TRPM3: variants seen among roughly 807,000 people sequenced by gnomAD.
TRPM3 encodes long transient receptor potential channel 3.
TRPM3 carries 77 observed loss-of-function variants against 181.2 expected under a neutral mutation model. That is an observed-to-expected ratio of 0.42 (90% CI 0.35 to 0.51). The LOEUF (loss-of-function observed/expected upper bound fraction) is 0.51. TRPM3 is among the 20% of genes least tolerant of loss of function. TRPM3 has a pLI of 0.01. For missense variants in TRPM3, 1,759 were observed against 2,196.7 expected (o/e 0.80, Z 3.98); for synonymous variants, 745 against 796.4 (o/e 0.94, Z 1.09).
intron 1 of TRPM3, among the ~76,000 whole-genome samples, chr9:70,937,524 A>G (rs1393464857): frequency 6.6e-6 from 1 of 152,226 alleles, no homozygotes; most frequent in African/African-American, 2.4e-5. Context: ...TTACTGAGTC[A>G]ATGCAAATTT....
At chr9:71,000,967 C>A (rs994546038) in intron 1 of TRPM3, among the ~76,000 whole-genome samples, 5 of 152,198 alleles carry the variant, frequency 3.3e-5, no homozygotes, top group Non-Finnish European at 7.3e-5. Context: ...AACCAAAACA[C>A]CTTTTCTATT....
At chr9:70,781,696 T>G (rs1283029505) in intron 7 of TRPM3, among the ~76,000 whole-genome samples, 4 of 152,116 alleles carry the variant, frequency 2.6e-5, no homozygotes, top group African/African-American at 9.7e-5. Context: ...GCTGTGTGGC[T>G]TTGGACAAAG....
At position 70,897,232 on chromosome 9, in the gene TRPM3, A is replaced by G. The variant is rs796464529; in HGVS notation, c.178-32721T>C. Reference sequence around the variant, plus strand: ...TTTTTGTACCAATTAACCAACCTCTATCTCTCCCTCCGTGCTCCCCTTCCC... The same window carrying G: ...TTTTTGTACCAATTAACCAACCTCTGTCTCTCCCTCCGTGCTCCCCTTCCC... On this transcript the variant is annotated intron_variant, in intron 1 of 25. Transcript: ENST00000677713. 2.1e-4 allele frequency among the ~76,000 whole-genome samples: 20 copies of G among 94,180 alleles called. 2 individuals are homozygous for G. The East Asian group carries it at 3.4e-3, about 16-fold the overall frequency. 61.8% of individuals were successfully genotyped at this position (94,180 alleles called of 152,430 possible). A position where few individuals can be genotyped will look rare whatever the true frequency, so the allele number is the denominator to read the frequency against.
At chr9:71,191,812 C>T (rs56159419) in intron 1 of TRPM3, among the ~76,000 whole-genome samples, 4 of 149,738 alleles carry the variant, frequency 2.7e-5, no homozygotes, top group African/African-American at 4.9e-5. Flanking sequence ...AAAATCACAT[C>T]GTCAAGGATC....
chr9:70,827,525 C>G (rs2093629551), intron 6 of TRPM3: 2 of 179,246 alleles, frequency 1.1e-5, no homozygotes, highest in Non-Finnish European at 2.3e-5. Context: ...TAAATAGAAA[C>G]TTTTCTCCTT....
At chr9:71,108,918 A>C (rs992830451) in intron 1 of TRPM3, among the ~76,000 whole-genome samples, 7 of 152,154 alleles carry the variant, frequency 4.6e-5, no homozygotes, top group Admixed American at 3.9e-4. Flanking sequence ...TGTTTCTATG[A>C]GGGTATTTTT....
intron 1 of TRPM3, among the ~76,000 whole-genome samples, chr9:70,867,682 A>T (rs557330843): frequency 6.6e-6 from 1 of 152,214 alleles, no homozygotes; most frequent in South Asian, 2.1e-4. Flanking sequence ...AAAGTATAAG[A>T]CACAATAGAA....
chr9:71,263,482 T>A (rs1242869811), intron 1 of TRPM3, among the ~76,000 whole-genome samples: 1 of 152,194 alleles, frequency 6.6e-6, no homozygotes, highest in Non-Finnish European at 1.5e-5. Flanking sequence ...TTCCAACCTT[T>A]TGAGCAGTAG....
intron 1 of TRPM3, among the ~76,000 whole-genome samples, chr9:70,953,457 A>G (rs2097027477): frequency 6.6e-6 from 1 of 152,170 alleles, no homozygotes; most frequent in Admixed American, 6.5e-5. Flanking sequence ...CATTTTCTGA[A>G]AAATGTGACA....
rs778157030 is a variant in TRPM3 at position 70,536,744 on chromosome 9, A to G, written c.4369T>C (p.Tyr1457His). ...CTGTCTGTGGGTGCAAGTGTTGCATAGGCACTACTTGAAGGGGCTGTGGAA... is the reference window on the plus strand; with the variant it reads ...CTGTCTGTGGGTGCAAGTGTTGCATGGGCACTACTTGAAGGGGCTGTGGAA... The part of the protein sequence containing the change: ...VPSTAPSSSA[Y>H]ATLAPTDRPP... The change falls in exon 26 of 26, where the codon TAT (tyrosine) becomes CAT (histidine). Residue 1457 changes from tyrosine to histidine, a missense_variant. Tyr to His is a moderately conservative substitution (Grantham distance 83). Transcript: ENST00000677713. 1.7e-5 allele frequency: 27 copies of G among 1,614,062 alleles called. No homozygotes were observed. The South Asian group carries it at 2.9e-4, about 17-fold the overall frequency.
chr9:70,797,563 C>T (rs1250236077), intron 6 of TRPM3, among the ~76,000 whole-genome samples: 1 of 152,220 alleles, frequency 6.6e-6, no homozygotes, highest in Admixed American at 6.5e-5. Context: ...CTGAGTCTCA[C>T]CAGACTATCC....
At chr9:71,220,356 T>TTTA (rs34805476) in intron 1 of TRPM3, among the ~76,000 whole-genome samples, 3,568 of 145,902 alleles carry the variant, frequency 0.024, 51 homozygotes, top group South Asian at 0.039. Flanking sequence ...AAAAGTCTGA[T>TTTA]TTATTATTAT....
chr9:71,120,147 G>T (rs1182863622), intron 1 of TRPM3, among the ~76,000 whole-genome samples: 1 of 152,146 alleles, frequency 6.6e-6, no homozygotes, highest in African/African-American at 2.4e-5. Flanking sequence ...AACGTATTCA[G>T]GGCTAATTCA....
intron 22 of TRPM3, 123 bp downstream of exon 22, chr9:70,590,908 G>C: frequency 7.6e-7 from 1 of 1,318,324 alleles, no homozygotes. Context: ...AAGATAGCAA[G>C]CTAGGAATCA....
intron 1 of TRPM3, among the ~76,000 whole-genome samples, chr9:70,971,075 C>T (rs528878121): frequency 2.0e-4 from 30 of 152,120 alleles, no homozygotes; most frequent in Non-Finnish European, 3.7e-4. Context: ...GGGATGCTGC[C>T]TTAGACTCTA....
chr9:70,618,129 A>AAAAC (rs2063072830), intron 17 of TRPM3, among the ~76,000 whole-genome samples: 1 of 152,154 alleles, frequency 6.6e-6, no homozygotes, highest in African/African-American at 2.4e-5. Flanking sequence ...TTTTCCTTGA[A>AAAAC]AAACACTGAA....
chr9:71,136,712 G>A (rs1021820215), intron 1 of TRPM3, among the ~76,000 whole-genome samples: 19 of 152,108 alleles, frequency 1.2e-4, no homozygotes, highest in Non-Finnish European at 2.5e-4. Flanking sequence ...GTAGCCTCAG[G>A]GAGACGTGAG....
chr9:70,544,461 G>A (rs186385852), intron 25 of TRPM3, among the ~76,000 whole-genome samples: 13 of 152,068 alleles, frequency 8.5e-5, no homozygotes, highest in Non-Finnish European at 1.5e-4. Flanking sequence ...ATTGACATGC[G>A]GGGCCACCTG....
At chr9:71,030,455 C>T (rs536459383) in intron 1 of TRPM3, among the ~76,000 whole-genome samples, 2 of 151,904 alleles carry the variant, frequency 1.3e-5, no homozygotes, top group South Asian at 4.2e-4. Context: ...ATTCTAGCTA[C>T]TTGGGAGGCT....
Sources: allele counts gnomAD v4.1 joint callset (sites outside exome capture counted in the v4.1 genomes callset), GRCh38; gene constraint gnomAD v4.1.1; transcripts MANE v1.5; gene names NCBI Gene and HGNC (gene_info 2026-07-23, HGNC 2026-07-21).